GALK2: variants seen among roughly 807,000 people sequenced by gnomAD.
The protein encoded by GALK2 is galactokinase 2.
In GALK2, 36 loss-of-function variants were observed where a neutral mutation model predicts 52.4. The observed-to-expected ratio is 0.69, with a 90% CI of 0.53 to 0.91. GALK2 has a LOEUF of 0.91. Ranked by LOEUF, GALK2 falls within the 40% of genes least tolerant of loss-of-function variation. The pLI, the probability that GALK2 is intolerant of heterozygous loss-of-function variation, is 0.00. For missense variants in GALK2, 579 were observed against 559.1 expected (o/e 1.04, Z -0.36); for synonymous variants, 176 against 199.1 (o/e 0.88, Z 0.98).
At chr15:49,245,727 G>A (rs1349882465) in intron 5 of GALK2, among the ~76,000 whole-genome samples, 1 of 152,062 alleles carries the variant, frequency 6.6e-6, no homozygotes, top group Non-Finnish European at 1.5e-5. Flanking sequence ...TTCAGCGAGG[G>A]CCTATTTTTT....
intron 3 of GALK2, among the ~76,000 whole-genome samples, chr15:49,358,994 T>A (rs1392242893): frequency 6.6e-6 from 1 of 151,624 alleles, no homozygotes; most frequent in Non-Finnish European, 1.5e-5. Flanking sequence ...GGGAAAGGAT[T>A]CCCTATTTAA....
intron 2 of GALK2, among the ~76,000 whole-genome samples, chr15:49,207,824 C>T (rs545813975): frequency 7.2e-5 from 11 of 152,174 alleles, no homozygotes; most frequent in Non-Finnish European, 1.6e-4. Flanking sequence ...GTCACCCAGG[C>T]TGGAGTGCAG....
chr15:49,307,789 C>T (rs1298718392), intron 8 of GALK2, among the ~76,000 whole-genome samples: 3 of 152,196 alleles, frequency 2.0e-5, no homozygotes, highest in Non-Finnish European at 4.4e-5. Context: ...CAGCATTATG[C>T]TGTTGATTTT....
chr15:49,197,080 C>T (rs1033365203), intron 1 of GALK2, among the ~76,000 whole-genome samples: 1 of 152,188 alleles, frequency 6.6e-6, no homozygotes, highest in African/African-American at 2.4e-5. Flanking sequence ...GGCAACAGAG[C>T]GAGTCCCTGT....
intron 1 of GALK2, among the ~76,000 whole-genome samples, chr15:49,193,701 A>G (rs2086955884): frequency 6.6e-6 from 1 of 151,584 alleles, no homozygotes; most frequent in Non-Finnish European, 1.5e-5. Context: ...AACCAATTGT[A>G]CTAGCATTCT....
At chr15:49,228,671 ATATATATATATATATATT>A (rs2090287114) in intron 3 of GALK2, among the ~76,000 whole-genome samples, 1 of 9,210 alleles carries the variant, frequency 1.1e-4, no homozygotes, top group South Asian at 3.6e-3. Flanking sequence ...ATATATATAT[ATATATATATATATATATT>A]TTTTTTTTTT....
Position 49,331,700 on chromosome 15 carries a change from A to G in GALK2, c.*3541A>G, listed in dbSNP as rs114438216. On this transcript the variant is annotated 3_prime_UTR_variant, in exon 10 of 10. Coordinates refer to ENST00000560031, the MANE Select transcript of GALK2 (RefSeq NM_002044.4). Reference sequence around the variant, plus strand: ...CTGTAATTTGGGTGTGCCACCATACATTGCTTATGAAATATTGTCCAGTCT... The same window carrying G: ...CTGTAATTTGGGTGTGCCACCATACGTTGCTTATGAAATATTGTCCAGTCT... 2,014 of 886,952 alleles carry G rather than the reference A, an allele frequency of 2.3e-3. 27 individuals carry two copies. The African/African-American group carries it at 0.029, about 13-fold the overall frequency. The allele number at this position is 886,952 out of a possible 1,614,324, so 54.9% of individuals were successfully genotyped here.
intron 7 of GALK2, among the ~76,000 whole-genome samples, chr15:49,289,081 T>C (rs376328445): frequency 1.3e-5 from 2 of 152,176 alleles, no homozygotes; most frequent in East Asian, 3.8e-4. Flanking sequence ...TTTTCTATTA[T>C]AGCAGTTTAT....
chr15:49,315,511 C>T (rs1330728060), intron 8 of GALK2, among the ~76,000 whole-genome samples: 1 of 152,182 alleles, frequency 6.6e-6, no homozygotes, highest in African/African-American at 2.4e-5. Flanking sequence ...CAAGCCAGAA[C>T]CCTGGATCCA....
At position 49,330,831 on chromosome 15, in the gene GALK2, G is replaced by C. The variant is rs1345041346; in HGVS notation, c.*2672G>C. On this transcript the variant is annotated 3_prime_UTR_variant, in exon 10 of 10. Coordinates refer to ENST00000560031, the MANE Select transcript of GALK2 (RefSeq NM_002044.4). ...TAGCTGGGAGTGGTGGCATGTGCCTGCTGTCCCAGCTACTCAGGAGGCTGA... is the reference window on the plus strand; with the variant it reads ...TAGCTGGGAGTGGTGGCATGTGCCTCCTGTCCCAGCTACTCAGGAGGCTGA... The C allele has an allele frequency of 6.6e-6, 1 of 152,152 alleles. No homozygotes were observed. The highest frequency in any genetic ancestry group is 2.4e-5 in the African/African-American group (1 of 41,430). 9.4% of individuals were successfully genotyped at this position (152,152 alleles called of 1,614,324 possible).
In GALK2 at chr15:49,365,143, A is replaced by G. The variant is rs193211071; in HGVS notation, c.427-2348A>G. On this transcript the variant is annotated intron_variant, in intron 3 of 3. Transcript: ENST00000558399. ...AATATTATTGCTGGACAATCTGTTC[A>G]CCAGACATCACAGGGTTTTCTTCGT... 2.6e-5 allele frequency: 19 copies of G among 736,322 alleles called. No homozygotes were observed. In the East Asian group the frequency reaches 4.2e-4, roughly 16 times the overall value. The allele number at this position is 736,322 out of a possible 1,614,324, so 45.6% of individuals were successfully genotyped here.
At chr15:49,255,196 T>G (rs1595850341) in intron 5 of GALK2, among the ~76,000 whole-genome samples, 1 of 143,526 alleles carries the variant, frequency 7.0e-6, no homozygotes, top group East Asian at 1.9e-4. Flanking sequence ...CTTTAGAACT[T>G]CTTTTTCTTG....
At chr15:49,257,710 C>A (rs1458079830) in intron 5 of GALK2, among the ~76,000 whole-genome samples, 1 of 151,986 alleles carries the variant, frequency 6.6e-6, no homozygotes, top group African/African-American at 2.4e-5. Flanking sequence ...AGGGCTAGTT[C>A]ATGAGCTGGG....
At chr15:49,343,646 T>G (rs2151246719) in intron 3 of GALK2, 1 of 152,318 alleles carries the variant, frequency 6.6e-6, no homozygotes, top group Non-Finnish European at 1.5e-5. Context: ...GGGCAACTCA[T>G]TTTACTCCAG....
intron 3 of GALK2, chr15:49,365,747 C>G: frequency 2.3e-6 from 2 of 866,698 alleles, no homozygotes; most frequent in Non-Finnish European, 4.0e-6. Flanking sequence ...AAAATCCAAG[C>G]CCACCTGTCT....
chr15:49,248,955 G>T (rs1318150720), intron 5 of GALK2, among the ~76,000 whole-genome samples: 2 of 152,122 alleles, frequency 1.3e-5, no homozygotes, highest in Admixed American at 6.6e-5. Context: ...GCCTAGTTGT[G>T]TTTTGAACTT....
intron 5 of GALK2, among the ~76,000 whole-genome samples, chr15:49,249,523 A>G (rs911550113): frequency 9.9e-5 from 15 of 152,218 alleles, no homozygotes; most frequent in Non-Finnish European, 1.6e-4. Flanking sequence ...AAGTTCAGGG[A>G]AAGAGTTTAG....
rs745356915 is a variant in GALK2, at chr15:49,235,940, A to G, written c.356A>G (p.Gln119Arg). Residue 119 changes from glutamine (Q) to arginine (R), a missense_variant and splice_region_variant, in exon 4 of 10, where the codon CAG becomes CGG. Physicochemically the swap from Gln to Arg is conservative, Grantham distance 43. Coordinates refer to ENST00000560031, the MANE Select transcript of GALK2 (RefSeq NM_002044.4). The stretch of plus-strand genomic sequence containing the variant: ...TTCTTATGTGGACTTAAAGGAATTC[A>G]GGTAAATTGGTTTATAAGGCACTTA... ...NYFLCGLKGI[Q>R]EHFGLSNLTG... is the part of the protein sequence containing the mutation. 11 of 1,601,816 alleles carry G rather than the reference A, an allele frequency of 6.9e-6. No individual in the cohort carries two copies. The highest frequency in any genetic ancestry group is 9.4e-6 in the Non-Finnish European group (11 of 1,169,002).
chr15:49,310,144 T>C (rs1374639181), intron 8 of GALK2, among the ~76,000 whole-genome samples: 2 of 152,220 alleles, frequency 1.3e-5, no homozygotes, highest in African/African-American at 4.8e-5. Context: ...GTTTTTAATC[T>C]CTCTGTGCCT....
Sources: gnomAD v4.1 joint callset for allele counts (sites outside exome capture counted in the v4.1 genomes callset) on GRCh38, gnomAD v4.1.1 for gene constraint, MANE v1.5 for transcripts, NCBI Gene and HGNC (gene_info 2026-07-23, HGNC 2026-07-21) for gene names.